Variants in PCK2 observed in about 807,000 individuals in gnomAD.
The protein encoded by PCK2 is phosphoenolpyruvate carboxykinase 2, mitochondrial, also known as phosphoenolpyruvate carboxykinase [GTP], mitochondrial.
PCK2 carries 56 observed loss-of-function variants against 65.9 expected under a neutral mutation model. That is an observed-to-expected ratio of 0.85 (90% CI 0.69 to 1.06). The LOEUF (loss-of-function observed/expected upper bound fraction) is 1.06. Ranked by LOEUF, PCK2 falls within the 50% of genes least tolerant of loss-of-function variation. PCK2 has a pLI of 0.00. For missense variants in PCK2, 843 were observed against 863.1 expected (o/e 0.98, Z 0.29); for synonymous variants, 305 against 319.6 (o/e 0.95, Z 0.49).
intron 9 of PCK2, 104 bp from the exon 10 acceptor site, chr14:24,103,406 T>C (rs1455095279): frequency 1.3e-5 from 16 of 1,217,056 alleles, no homozygotes; most frequent in Non-Finnish European, 1.8e-5. Flanking sequence ...CCTGAAGATA[T>C]TCAGAACCAT....
chr14:24,095,109 TCTC>T (rs1332989411), intron 1 of PCK2: 12 of 456,028 alleles, frequency 2.6e-5, no homozygotes, highest in Non-Finnish European at 4.4e-5. Context: ...GTCCTCTTAG[TCTC>T]CTATTTATTC....
intron 7 of PCK2, 104 bp downstream of exon 7, chr14:24,100,317 G>A: frequency 6.6e-7 from 1 of 1,522,396 alleles, no homozygotes; most frequent in Non-Finnish European, 8.8e-7. Flanking sequence ...ACTGCCAGGA[G>A]GCACAGAAGT....
chr14:24,098,227 G>A lies in PCK2; in HGVS notation c.300G>A (p.Lys100=). Residue 100 remains lysine (K), a synonymous_variant, in exon 3 of 10, where the codon AAG becomes AAA. Coordinates refer to ENST00000216780, the MANE Select transcript of PCK2 (RefSeq NM_004563.4). ...GCTGGCTGGCCCGCACAGACCCCAA[G>A]GATGTGGCACGAGTAGAGAGCAAGA... is the stretch of plus-strand genomic sequence containing the variant. The part of the protein sequence containing the change: ...NNCWLARTDP[K]DVARVESKTV... The A allele has an allele frequency of 6.2e-7, 1 of 1,612,932 alleles. No individual in the cohort carries two copies. Among genetic ancestry groups the A allele is most frequent in the South Asian group, 1.1e-5 (1 of 90,976 alleles).
intron 7 of PCK2, among the ~76,000 whole-genome samples, chr14:24,101,616 GTTGTTAGCTTTAAAA>G (rs2037164822): frequency 6.6e-6 from 1 of 152,198 alleles, no homozygotes; most frequent in Non-Finnish European, 1.5e-5. Context: ...TCACCAACAT[GTTGTTAGCTTTAAAA>G]TCAATTCCTT....
intron 7 of PCK2, 113 bp from the exon 8 acceptor site, chr14:24,102,640 A>C (rs1254815799): frequency 4.7e-6 from 4 of 852,028 alleles, no homozygotes; most frequent in Non-Finnish European, 7.4e-6. Flanking sequence ...GGTTCTAGGC[A>C]GCTGATGAGG....
Position 24,094,570 on chromosome 14 carries a change from G to A in PCK2, c.29+136G>A, listed in dbSNP as rs1187541698. On this transcript the variant is annotated intron_variant, in intron 1 of 9. Coordinates refer to ENST00000216780, the MANE Select transcript of PCK2 (RefSeq NM_004563.4). This position sits in a 1 kb window ranked among gnomAD's most constrained non-coding sequence, Gnocchi z 4.1. ...GCGGAGGCGGGCAGGGGCGACTGCTGTGGGTCCAGCCTCCCGCGCCGCGCG... is the reference window on the plus strand; with the variant it reads ...GCGGAGGCGGGCAGGGGCGACTGCTATGGGTCCAGCCTCCCGCGCCGCGCG... The A allele has an allele frequency of 4.8e-6, 7 of 1,445,518 alleles. No individual in the cohort carries two copies. The East Asian group carries it at 1.0e-4, about 21-fold the overall frequency. 89.5% of individuals were successfully genotyped at this position (1,445,518 alleles called of 1,614,324 possible).
chr14:24,103,608 G>GGGGCCCA lies in PCK2; in HGVS notation c.1569_1575dup (p.Leu526GlyfsTer15). ...CTGGCTGAGCATGGAAGGGCGCAAG[G>GGGGCCCA]GGGCCCAGCTGCCCCGTATCTTCCA... On this transcript the variant is annotated frameshift_variant, in exon 10 of 10. Transcript: ENST00000216780. LOFTEE classifies it high-confidence loss of function. 2 of 1,613,152 alleles carry GGGGCCCA rather than the reference G, an allele frequency of 1.2e-6. No homozygotes were observed. Among genetic ancestry groups the GGGGCCCA allele is most frequent in the Non-Finnish European group, 1.7e-6 (2 of 1,179,312 alleles).
chr14:24,094,559 G>A lies in PCK2; in HGVS notation c.29+125G>A. The A allele has an allele frequency of 1.4e-6, 2 of 1,440,932 alleles. No homozygotes were observed. Among genetic ancestry groups the A allele is most frequent in the Non-Finnish European group, 1.8e-6 (2 of 1,101,546 alleles). The allele number at this position is 1,440,932 out of a possible 1,614,324, so 89.3% of individuals were successfully genotyped here. A position where few individuals can be genotyped will look rare whatever the true frequency, so the allele number is the denominator to read the frequency against. On this transcript the variant is annotated intron_variant, in intron 1 of 9. Coordinates refer to ENST00000216780, the MANE Select transcript of PCK2 (RefSeq NM_004563.4). This position sits in a 1 kb window ranked among gnomAD's most constrained non-coding sequence, Gnocchi z 4.1. ...TCCCATCCTAGGCGGAGGCGGGCAG[G>A]GGCGACTGCTGTGGGTCCAGCCTCC... is the stretch of plus-strand genomic sequence containing the variant.
intron 9 of PCK2, 106 bp downstream of exon 9, chr14:24,103,361 G>C (rs1656523128): frequency 8.7e-7 from 1 of 1,143,946 alleles, no homozygotes; most frequent in Admixed American, 2.0e-5. Flanking sequence ...GTCTGATATG[G>C]CCCCACCTCT....
intron 1 of PCK2, among the ~76,000 whole-genome samples, 165 bp from the exon 2 acceptor site, chr14:24,096,727 A>T (rs1303412757): frequency 1.3e-5 from 2 of 152,138 alleles, no homozygotes; most frequent in Non-Finnish European, 2.9e-5. Context: ...TACAAGATAC[A>T]TGTGTCCTGA....
intron 2 of PCK2, among the ~76,000 whole-genome samples, chr14:24,097,433 G>A (rs1002798897): frequency 4.0e-5 from 6 of 151,132 alleles, no homozygotes; most frequent in Non-Finnish European, 5.9e-5. Flanking sequence ...GCATGGCAGC[G>A]CATGCCTGTA....
At chr14:24,098,864 G>C (rs1365932414) in intron 4 of PCK2, among the ~76,000 whole-genome samples, 185 bp from the exon 5 acceptor site, 1 of 152,210 alleles carries the variant, frequency 6.6e-6, no homozygotes, top group East Asian at 1.9e-4. Flanking sequence ...ACTAGGTTGA[G>C]AAAAATCCGT....
In PCK2 at chr14:24,094,957, A is replaced by G. The variant is rs1020585469; in HGVS notation, c.29+523A>G. 3.3e-6 allele frequency: 3 copies of G among 908,106 alleles called. No homozygotes were observed. Among genetic ancestry groups the G allele is most frequent in the Non-Finnish European group, 4.6e-6 (3 of 652,418 alleles). 56.3% of individuals were successfully genotyped at this position (908,106 alleles called of 1,614,324 possible). On this transcript the variant is annotated intron_variant, in intron 1 of 9. Transcript: ENST00000216780. The surrounding 1 kb of genome is among the most constrained non-coding windows in gnomAD (Gnocchi z 4.1). ...AGGACTGGAACCTGGCGGGAAGTCC[A>G]GAGCAGCCCGAGGGACCTGGGCCCA...
At chr14:24,096,476 C>A (rs955193713) in intron 1 of PCK2, among the ~76,000 whole-genome samples, 1 of 152,106 alleles carries the variant, frequency 6.6e-6, no homozygotes, top group Admixed American at 6.5e-5. Flanking sequence ...ACCTCATGAT[C>A]CACCTGCCTC....
intron 7 of PCK2, 115 bp downstream of exon 7, chr14:24,100,328 C>T: frequency 6.6e-7 from 1 of 1,506,776 alleles, no homozygotes; most frequent in East Asian, 2.3e-5. Context: ...GCACAGAAGT[C>T]ATGAACGTTT....
At chr14:24,097,277 G>C (rs544208719) in intron 2 of PCK2, 140 bp downstream of exon 2, 1 of 796,108 alleles carries the variant, frequency 1.3e-6, no homozygotes, top group African/African-American at 1.7e-5. Flanking sequence ...CCAGAAACTG[G>C]GATTTGCTTA....
intron 4 of PCK2, 31 bp downstream of exon 4, chr14:24,098,709 C>G (rs2037015113): frequency 1.3e-6 from 2 of 1,576,462 alleles, no homozygotes; most frequent in Non-Finnish European, 1.7e-6. Context: ...AAGGGGAACA[C>G]AGAGGCCTTC....
intron 1 of PCK2, 120 bp from the exon 2 acceptor site, chr14:24,096,772 A>G (rs1222555946): frequency 3.6e-6 from 3 of 829,638 alleles, no homozygotes; most frequent in Non-Finnish European, 5.9e-6. Context: ...CCTGCTCTTC[A>G]TGGTCCCTGC....
At chr14:24,096,525 G>A (rs1394640894) in intron 1 of PCK2, among the ~76,000 whole-genome samples, 3 of 151,980 alleles carry the variant, frequency 2.0e-5, no homozygotes, top group Non-Finnish European at 2.9e-5. Context: ...ATGAGCCACC[G>A]TGCCCAGCCA....
Sources: allele counts gnomAD v4.1 joint callset (sites outside exome capture counted in the v4.1 genomes callset), GRCh38; gene constraint gnomAD v4.1.1; non-coding constraint Gnocchi (gnomAD v3.1); transcripts MANE v1.5; gene names NCBI Gene and HGNC (gene_info 2026-07-23, HGNC 2026-07-21).